The following LUZP2 variants were observed in gnomAD, a reference collection of about 807,000 sequenced individuals.
The protein encoded by LUZP2 is leucine zipper protein 2.
LUZP2 carries 52 observed loss-of-function variants against 51.6 expected under a neutral mutation model. The ratio of observed to expected loss-of-function variants is 1.01; its 90% CI spans 0.81 to 1.27. The LOEUF (loss-of-function observed/expected upper bound fraction) is 1.27, where lower values mean the gene tolerates loss of function less well. LUZP2 is among the 50% of genes most tolerant of loss of function. LUZP2 has a pLI of 0.00. For missense variants in LUZP2, 436 were observed against 395.4 expected, an observed-to-expected ratio of 1.10 and a Z score of -0.87; for synonymous variants, 154 against 137.3, an observed-to-expected ratio of 1.12 and a Z score of -0.85.
chr11:24,880,557 T>C (rs765464177), intron 5 of LUZP2, among the ~76,000 whole-genome samples: 28 of 152,206 alleles, frequency 1.8e-4, no homozygotes, highest in Non-Finnish European at 3.5e-4. Context: ...TTCTGAGTAC[T>C]GAGGTGATAC....
chr11:25,054,466 T>C (rs1378329749), intron 10 of LUZP2, among the ~76,000 whole-genome samples: 2 of 152,198 alleles, frequency 1.3e-5, no homozygotes, highest in African/African-American at 2.4e-5. Context: ...TACATTTAGA[T>C]CAATATTCTT....
At chr11:24,630,838 T>C (rs1333772602) in intron 1 of LUZP2, among the ~76,000 whole-genome samples, 4 of 151,876 alleles carry the variant, frequency 2.6e-5, no homozygotes, top group Admixed American at 1.3e-4. Flanking sequence ...GAGCATGGGG[T>C]GTTTTTCATT....
At chr11:24,738,728 T>G (rs941714068) in intron 4 of LUZP2, among the ~76,000 whole-genome samples, 8 of 151,916 alleles carry the variant, frequency 5.3e-5, no homozygotes, top group African/African-American at 1.9e-4. Flanking sequence ...CACGGGTTAT[T>G]CTAATGCATC....
At chr11:24,679,235 A>C (rs953233224) in intron 1 of LUZP2, among the ~76,000 whole-genome samples, 1 of 152,192 alleles carries the variant, frequency 6.6e-6, no homozygotes, top group African/African-American at 2.4e-5. Context: ...ATTTACTCAA[A>C]TATTAGAGCA....
intron 8 of LUZP2, among the ~76,000 whole-genome samples, chr11:24,977,087 T>C (rs916310425): frequency 4.0e-5 from 6 of 151,814 alleles, no homozygotes. Context: ...TTTATACTTA[T>C]CTATATTTAC....
In LUZP2 at chr11:24,733,647, G is replaced by A. The variant is rs150208876; in HGVS notation, c.251+1459G>A. Among the ~76,000 whole-genome samples, 369 of 151,650 alleles carry A rather than the reference G, an allele frequency of 2.4e-3. 2 individuals carry two copies. Among genetic ancestry groups the A allele is most frequent in the African/African-American group, 8.7e-3 (361 of 41,438 alleles). ...CTGGGGAGAGTGTTGGTGGTGAGAT[G>A]TTGGCTAAAGAATATTAAATTTCAG... On this transcript the variant is annotated intron_variant, in intron 3 of 11. Coordinates refer to ENST00000336930, the MANE Select transcript of LUZP2 (RefSeq NM_001009909.4).
At chr11:25,033,891 G>A (rs965845753) in intron 9 of LUZP2, among the ~76,000 whole-genome samples, 3 of 152,020 alleles carry the variant, frequency 2.0e-5, no homozygotes, top group African/African-American at 7.2e-5. Context: ...ATGAACATAG[G>A]AGTACCTGTG....
intron 1 of LUZP2, among the ~76,000 whole-genome samples, chr11:24,727,048 A>C (rs16913103): frequency 0.013 from 1,718 of 130,796 alleles, 32 homozygotes; most frequent in Admixed American, 0.053. Flanking sequence ...CAGAAAATAG[A>C]GAGATTTAAA....
At chr11:24,680,976 T>TA (rs1565073480) in intron 1 of LUZP2, among the ~76,000 whole-genome samples, 2 of 51,664 alleles carry the variant, frequency 3.9e-5, no homozygotes, top group Admixed American at 2.0e-4. Flanking sequence ...TTTCTTTATT[T>TA]TTTTTTTTTT....
At chr11:24,801,191 G>C (rs1031891216) in intron 5 of LUZP2, among the ~76,000 whole-genome samples, 3 of 152,062 alleles carry the variant, frequency 2.0e-5, no homozygotes, top group African/African-American at 7.2e-5. Flanking sequence ...GCTGATAAAA[G>C]AATTTCTACA....
At chr11:24,559,198 TA>T (rs1234351149) in intron 1 of LUZP2, among the ~76,000 whole-genome samples, 2 of 151,722 alleles carry the variant, frequency 1.3e-5, no homozygotes, top group South Asian at 2.1e-4. Context: ...TAAATAGAAA[TA>T]AAAAATAAGA....
intron 5 of LUZP2, among the ~76,000 whole-genome samples, chr11:24,894,615 A>G (rs1278851789): frequency 1.3e-5 from 2 of 149,908 alleles, no homozygotes; most frequent in East Asian, 3.9e-4. Flanking sequence ...TTCCTCCCCT[A>G]TCTAATAGTC....
At chr11:24,856,044 A>G (rs1851555337) in intron 5 of LUZP2, among the ~76,000 whole-genome samples, 1 of 152,088 alleles carries the variant, frequency 6.6e-6, no homozygotes, top group South Asian at 2.1e-4. Flanking sequence ...CATCAGTGTA[A>G]GCAAATAATT....
intron 9 of LUZP2, among the ~76,000 whole-genome samples, chr11:25,030,920 A>ATATATATAATATATATTATATGTAT (rs1857637343): frequency 6.5e-5 from 1 of 15,478 alleles, no homozygotes; most frequent in African/African-American, 1.9e-3. Context: ...ATATTGTATT[A>ATATATATAATATATATTATATGTAT]TATATATATA....
At chr11:24,714,963 C>A (rs575388605) in intron 1 of LUZP2, among the ~76,000 whole-genome samples, 1 of 152,264 alleles carries the variant, frequency 6.6e-6, no homozygotes, top group Non-Finnish European at 1.5e-5. Flanking sequence ...CACACTTTAA[C>A]TAAAGACTCT....
intron 1 of LUZP2, among the ~76,000 whole-genome samples, chr11:24,645,562 A>G (rs138417172): frequency 6.6e-6 from 1 of 152,274 alleles, no homozygotes; most frequent in African/African-American, 2.4e-5. Context: ...AAATGTTTCT[A>G]CAAATTTTGG....
rs373172390 is a variant in LUZP2, at chr11:24,956,386, T to C, written c.523-20205T>C. On this transcript the variant is annotated intron_variant, in intron 7 of 11. Transcript: ENST00000336930. ...GTAAGTCATATTTTGGATTTCTTAT[T>C]TCTAGAATTTTAAGGCAATACGTTT... Among the ~76,000 whole-genome samples the C allele has an allele frequency of 2.0e-5, 3 of 152,218 alleles. No homozygotes were observed. The East Asian group carries it at 5.8e-4, about 29-fold the overall frequency.
rs188874225 is a variant in LUZP2, at chr11:24,766,871, C to A, written c.396+3563C>A. Among the ~76,000 whole-genome samples, 182 of 152,276 alleles carry A rather than the reference C, an allele frequency of 1.2e-3. 1 individual carries two copies. In the South Asian group the frequency reaches 0.023, roughly 19 times the overall value. On this transcript the variant is annotated intron_variant, in intron 5 of 11. Coordinates refer to ENST00000336930, the MANE Select transcript of LUZP2 (RefSeq NM_001009909.4). ...CCACCTCTTGGGTTCAAGTGATACC[C>A]CTGGCTCAGCCTCCTGAGTAGCTGG...
chr11:24,549,604 C>T (rs1396846), intron 1 of LUZP2, among the ~76,000 whole-genome samples: 29,265 of 151,932 alleles, frequency 0.19, 3,433 homozygotes, highest in Middle Eastern at 0.36. Flanking sequence ...TGTATTTACA[C>T]CAGCATCACC....
Sources: allele counts gnomAD v4.1 joint callset (sites outside exome capture counted in the v4.1 genomes callset), GRCh38; gene constraint gnomAD v4.1.1; transcripts MANE v1.5; gene names NCBI Gene and HGNC (gene_info 2026-07-23, HGNC 2026-07-21).